The following CROCC variants were observed in gnomAD, a reference collection of about 807,000 sequenced individuals.
CROCC encodes ciliary rootlet coiled-coil, rootletin, also known as rootletin.
CROCC carries 180 observed loss-of-function variants against 245.2 expected under a neutral mutation model. The ratio of observed to expected loss-of-function variants is 0.73; its 90% CI spans 0.65 to 0.83. The LOEUF is 0.83. Among genes scored for constraint, CROCC ranks in the 40% least tolerant of loss-of-function variants. The probability of loss-of-function intolerance (pLI) is 0.00; values close to 1 mark genes in which losing one functional copy is unlikely to be tolerated. For synonymous variants in CROCC, 1,205 were observed against 1,241.6 expected, an observed-to-expected ratio of 0.97 and a Z score of 0.62; for missense variants, 2,688 against 2,779.4, an observed-to-expected ratio of 0.97 and a Z score of 0.74.
At chr1:16,956,728 TAA>T (rs201462104) in intron 25 of CROCC, among the ~76,000 whole-genome samples, 3 of 140,880 alleles carry the variant, frequency 2.1e-5, no homozygotes, top group African/African-American at 2.6e-5. Flanking sequence ...TTTAAAAATG[TAA>T]AAAAAAAAAA....
intron 8 of CROCC, among the ~76,000 whole-genome samples, chr1:16,935,389 G>T (rs2075765960): frequency 6.6e-6 from 1 of 152,222 alleles, no homozygotes; most frequent in African/African-American, 2.4e-5. Context: ...TCTGTGTCAG[G>T]CCAGGAAGAA....
intron 25 of CROCC, among the ~76,000 whole-genome samples, chr1:16,956,493 A>G (rs2076252244): frequency 6.6e-6 from 1 of 152,164 alleles, no homozygotes; most frequent in Non-Finnish European, 1.5e-5. Flanking sequence ...GGTTTTTTGT[A>G]AAGAGCCCAA....
Position 16,939,880 on chromosome 1 carries a change from C to T in CROCC, c.1609-14C>T, listed in dbSNP as rs769787859. 320 of 1,610,622 alleles carry T rather than the reference C, an allele frequency of 2.0e-4. 3 individuals are homozygous for T. The Admixed American group carries it at 4.9e-3, about 25-fold the overall frequency. ...CTCAGGCCCCCCCAGACTCTGTGACCCCCCACACCCCAGGACATGCGTGGG... is the reference window on the plus strand; with the variant it reads ...CTCAGGCCCCCCCAGACTCTGTGACTCCCCACACCCCAGGACATGCGTGGG... On this transcript the variant is annotated splice_polypyrimidine_tract_variant and intron_variant, in intron 12 of 36. Transcript: ENST00000375541.
chr1:16,946,286 C>G lies in CROCC; in HGVS notation c.2164C>G (p.Leu722Val). The change falls in exon 16 of 37, where the codon CTC becomes GTC. Residue 722 changes from leucine to valine, a missense_variant. Physicochemically the swap from Leu to Val is conservative, Grantham distance 32. Transcript: ENST00000375541. ...TGAGGCTGGCCGCGTGGAGCTCGAG[C>G]TCTCCATGACCAAGCTGAGGGCAGA... ...KAEAGRVELE[L>V]SMTKLRAEEA... is the part of the protein sequence containing the mutation. The G allele has an allele frequency of 6.2e-7, 1 of 1,613,362 alleles. No individual in the cohort carries two copies. Among genetic ancestry groups the G allele is most frequent in the African/African-American group, 1.3e-5 (1 of 75,078 alleles).
Position 16,936,793 on chromosome 1 carries a change from G to A in CROCC, c.1113G>A (p.Leu371=). The A allele has an allele frequency of 6.2e-7, 1 of 1,611,968 alleles. No homozygotes were observed. Among genetic ancestry groups the A allele is most frequent in the South Asian group, 1.1e-5 (1 of 91,008 alleles). The change falls in exon 9 of 37, where the codon CTG becomes CTA. Residue 371 remains leucine, a synonymous_variant. Coordinates refer to ENST00000375541, the MANE Select transcript of CROCC (RefSeq NM_014675.5). ...TGCAGGCCCAGCTGGAGGAGCAGCT[G>A]CGGGACAAGGTGCTCCGCGAGAAGG... is the stretch of plus-strand genomic sequence containing the variant. ...ALLQAQLEEQ[L]RDKVLREKDL...
At chr1:16,939,635 G>A (rs28489956) in intron 12 of CROCC, among the ~76,000 whole-genome samples, 8,870 of 150,432 alleles carry the variant, frequency 0.059, 32 homozygotes, top group African/African-American at 0.11. Flanking sequence ...TGTGCCTGGG[G>A]GTTTGTCTGG....
In CROCC at chr1:16,930,363, G is replaced by T. The variant is rs377118766; in HGVS notation, c.683+16G>T. ...AGCAGCAGAGGTGAGGGCGCAGCAG[G>T]GAGGGCCAGGGCTGGCAGGATGGCC... On this transcript the variant is annotated intron_variant, in intron 6 of 36. Transcript: ENST00000375541. 12 of 1,611,016 alleles carry T rather than the reference G, an allele frequency of 7.4e-6. No homozygotes were observed. In the African/African-American group the frequency reaches 1.1e-4, roughly 14 times the overall value.
chr1:16,919,505 C>T (rs1425734910), upstream of CROCC, among the ~76,000 whole-genome samples: 4 of 152,282 alleles, frequency 2.6e-5, no homozygotes, highest in Non-Finnish European at 4.4e-5. Flanking sequence ...CAGGACAAGC[C>T]GCAGGCAAAA....
chr1:16,952,324 A>G (rs1278986960), intron 20 of CROCC, among the ~76,000 whole-genome samples: 2 of 151,842 alleles, frequency 1.3e-5, no homozygotes, highest in Non-Finnish European at 2.9e-5. Context: ...CTCTACTAAA[A>G]ATCACAAAAA....
rs768260273 is a variant in CROCC at position 16,955,330 on chromosome 1, C to T, written c.3484C>T (p.Gln1162Ter). The T allele has an allele frequency of 1.9e-6, 3 of 1,608,260 alleles. No individual in the cohort carries two copies. The highest frequency in any genetic ancestry group is 2.5e-6 in the Non-Finnish European group (3 of 1,179,678). Residue 1162 changes from glutamine to a stop codon, truncating the protein, a stop_gained, in exon 24 of 37, where the codon CAG becomes TAG. Transcript: ENST00000375541. LOFTEE classifies it high-confidence loss of function. ...CTCACAGGCAGAAGAGCTTCGGACC[C>T]AGCTGCGTCTGCTGGAGGATGCCCG... is the stretch of plus-strand genomic sequence containing the variant. ...CLREAEELRT[Q>*]LRLLEDARDG...
At chr1:16,936,416 C>T (rs370859498) in intron 8 of CROCC, among the ~76,000 whole-genome samples, 199 of 152,302 alleles carry the variant, frequency 1.3e-3, no homozygotes, top group African/African-American at 4.3e-3. Flanking sequence ...TACAGAAGTG[C>T]GCCACCATGC....
In CROCC at chr1:16,972,430, GC is replaced by G. The variant is rs777750199; in HGVS notation, c.6044del (p.Pro2015GlnfsTer51). On this transcript the variant is annotated frameshift_variant, in exon 37 of 37. Coordinates refer to ENST00000375541, the MANE Select transcript of CROCC (RefSeq NM_014675.5). LOFTEE classifies it high-confidence loss of function. ...TCAGCACCCTTCTCCCCACCCTCCGGCCCCCCAGAGAAATGAGCTCCTGCTG... is the reference window on the plus strand; with the variant it reads ...TCAGCACCCTTCTCCCCACCCTCCGGCCCCCAGAGAAATGAGCTCCTGCTG... ...RSSAPFSPPS[G>X]PPEK The G allele has an allele frequency of 6.2e-7, 1 of 1,612,216 alleles. No homozygotes were observed. Among genetic ancestry groups the G allele is most frequent in the East Asian group, 2.2e-5 (1 of 44,732 alleles).
intron 17 of CROCC, among the ~76,000 whole-genome samples, chr1:16,947,482 A>ATAATAATAATAT (rs2076075634): frequency 6.8e-6 from 1 of 147,478 alleles, no homozygotes; most frequent in Admixed American, 6.7e-5. Context: ...AATAATAATA[A>ATAATAATAATAT]TAATAATAAT....
Position 16,924,353 on chromosome 1 carries a change from G to A in CROCC, c.225G>A (p.Ser75=), listed in dbSNP as rs544453291. The part of the protein sequence containing the change: ...PVLLPATEMA[S]LLSLQEENQL... ...TGCTGCCGGCCACAGAGATGGCATC[G>A]CTGCTGTCGCTGCAGGAGGAGAACC... The change falls in exon 3 of 37, where the codon TCG becomes TCA. Residue 75 remains serine, a synonymous_variant. Transcript: ENST00000375541. 3.8e-5 allele frequency: 62 copies of A among 1,613,022 alleles called. No homozygotes were observed. Among genetic ancestry groups the A allele is most frequent in the African/African-American group, 1.2e-4 (9 of 75,078 alleles).
Position 16,954,894 on chromosome 1 carries a change from C to G in CROCC, c.3465+17C>G, listed in dbSNP as rs1034925600. Reference sequence around the variant, plus strand: ...CTTCGCGAGGTGAGCAGCCGCCCCCCTCTTCCAAGCAGCATACCCTAAATG... The same window carrying G: ...CTTCGCGAGGTGAGCAGCCGCCCCCGTCTTCCAAGCAGCATACCCTAAATG... On this transcript the variant is annotated intron_variant, in intron 23 of 36. Transcript: ENST00000375541. This position sits in a 1 kb window ranked among gnomAD's most constrained non-coding sequence, Gnocchi z 4.4. The G allele has an allele frequency of 8.6e-6, 13 of 1,512,302 alleles. No homozygotes were observed. In the African/African-American group the frequency reaches 9.7e-5, roughly 11 times the overall value. The allele number at this position is 1,512,302 out of a possible 1,614,324, so 93.7% of individuals were successfully genotyped here. A position where few individuals can be genotyped will look rare whatever the true frequency, so the allele number is the denominator to read the frequency against.
At chr1:16,915,618 A>C (rs1165075212) in intron 1 of CROCC, among the ~76,000 whole-genome samples, 3 of 152,174 alleles carry the variant, frequency 2.0e-5, no homozygotes, top group Non-Finnish European at 4.4e-5. Flanking sequence ...CCAGCCTGGA[A>C]AACAGAGCAA....
In CROCC at chr1:16,954,991, C is replaced by T; in HGVS notation, c.3465+114C>T. 3 of 1,282,964 alleles carry T rather than the reference C, an allele frequency of 2.3e-6. No homozygotes were observed. Among genetic ancestry groups the T allele is most frequent in the Non-Finnish European group, 3.1e-6 (3 of 957,878 alleles). The allele number at this position is 1,282,964 out of a possible 1,614,324, so 79.5% of individuals were successfully genotyped here. A position where few individuals can be genotyped will look rare whatever the true frequency, so the allele number is the denominator to read the frequency against. On this transcript the variant is annotated intron_variant, in intron 23 of 36. Transcript: ENST00000375541. This position sits in a 1 kb window ranked among gnomAD's most constrained non-coding sequence, Gnocchi z 4.4. Reference sequence around the variant, plus strand: ...TAAGATTCCTCCCTGCATTTGAGGACCAATGAATAGCAACTTAGAAAGGAG... The same window carrying T: ...TAAGATTCCTCCCTGCATTTGAGGATCAATGAATAGCAACTTAGAAAGGAG...
intron 31 of CROCC, 92 bp downstream of exon 31, chr1:16,968,510 G>A: frequency 1.6e-6 from 2 of 1,267,458 alleles, no homozygotes; most frequent in Non-Finnish European, 2.1e-6. Context: ...AACCCTGTGA[G>A]GCAAGTATTA....
rs72644305 is a variant in CROCC at position 16,929,911 on chromosome 1, G to A, written c.417G>A (p.Arg139=). 2.3e-5 allele frequency: 36 copies of A among 1,588,704 alleles called. No individual in the cohort carries two copies. The highest frequency in any genetic ancestry group is 3.0e-5 in the Non-Finnish European group (35 of 1,171,068). Residue 139 remains arginine, a synonymous_variant, in exon 4 of 37, where the codon CGG becomes CGA. Transcript: ENST00000375541. ...CGCAGGAGCCCAGGGGGCTGGTACGGCAGAGCGTGGAGTTGCGGAGGCAGC... is the reference window on the plus strand; with the variant it reads ...CGCAGGAGCCCAGGGGGCTGGTACGACAGAGCGTGGAGTTGCGGAGGCAGC... ...LETQEPRGLV[R]QSVELRRQLQ... is the part of the protein sequence containing the mutation.
Sources: allele counts gnomAD v4.1 joint callset (sites outside exome capture counted in the v4.1 genomes callset), GRCh38; gene constraint gnomAD v4.1.1; non-coding constraint Gnocchi (gnomAD v3.1); transcripts MANE v1.5; gene names NCBI Gene and HGNC (gene_info 2026-07-23, HGNC 2026-07-21).